Variants in TBC1D14 observed in about 807,000 individuals in gnomAD.
TBC1D14 encodes the protein TBC1 domain family, member 14.
A neutral mutation model predicts 79.0 loss-of-function variants in TBC1D14; 26 were observed. That is an observed-to-expected ratio of 0.33 (90% confidence interval 0.24 to 0.46). The LOEUF (loss-of-function observed/expected upper bound fraction) is 0.46. Among genes scored for constraint, TBC1D14 ranks in the 20% least tolerant of loss-of-function variants. TBC1D14 has a pLI of 1.00. For missense variants in TBC1D14, 769 were observed against 887.6 expected, an observed-to-expected ratio of 0.87 and a Z score of 1.70; for synonymous variants, 394 against 349.9, an observed-to-expected ratio of 1.13 and a Z score of -1.40.
chr4:7,016,453 G>A (rs889728009), intron 12 of TBC1D14, among the ~76,000 whole-genome samples: 5 of 152,228 alleles, frequency 3.3e-5, no homozygotes, highest in East Asian at 3.9e-4. Flanking sequence ...GCTGGGGCCC[G>A]CGGTGCTGGA....
rs535525017 is a variant in TBC1D14, at chr4:6,946,582, A to G, written c.723-20722A>G. Among the ~76,000 whole-genome samples, 106 of 152,242 alleles carry G rather than the reference A, an allele frequency of 7.0e-4. 1 individual carries two copies. The highest frequency in any genetic ancestry group is 2.3e-3 in the African/African-American group (96 of 41,560). On this transcript the variant is annotated intron_variant, in intron 2 of 13. Coordinates refer to ENST00000409757, the MANE Select transcript of TBC1D14 (RefSeq NM_020773.3). ...GTGATCCACCTGCCTCGGCCTTCCA[A>G]AGTGCTGGGATTACAGGCGTGAACC...
At chr4:6,927,674 T>C (rs1724400307) in intron 2 of TBC1D14, among the ~76,000 whole-genome samples, 1 of 152,174 alleles carries the variant, frequency 6.6e-6, no homozygotes, top group African/African-American at 2.4e-5. Context: ...GGCTGTCCTG[T>C]GCATTGGAGG....
At chr4:6,961,294 A>G (rs1357753723) in intron 2 of TBC1D14, among the ~76,000 whole-genome samples, 1 of 152,286 alleles carries the variant, frequency 6.6e-6, no homozygotes, top group African/African-American at 2.4e-5. Flanking sequence ...TGGCTTTAAA[A>G]TGACACTGAG....
chr4:6,962,895 G>A (rs1373187491), intron 2 of TBC1D14, among the ~76,000 whole-genome samples: 1 of 151,286 alleles, frequency 6.6e-6, no homozygotes, highest in African/African-American at 2.4e-5. Flanking sequence ...TGCCTCCCCT[G>A]CACACACACA....
chr4:6,953,656 A>G (rs1458714092), intron 2 of TBC1D14, among the ~76,000 whole-genome samples: 1 of 147,918 alleles, frequency 6.8e-6, no homozygotes, highest in Non-Finnish European at 1.5e-5. Flanking sequence ...AAAAAAGAAT[A>G]GATCAGTTTT....
intron 2 of TBC1D14, among the ~76,000 whole-genome samples, chr4:6,965,650 C>T (rs1426875361): frequency 6.6e-6 from 1 of 152,156 alleles, no homozygotes; most frequent in Non-Finnish European, 1.5e-5. Flanking sequence ...CCAATGATAT[C>T]GCCTTAGCCT....
At chr4:7,008,144 T>C (rs1720398379) in intron 9 of TBC1D14, among the ~76,000 whole-genome samples, 1 of 152,184 alleles carries the variant, frequency 6.6e-6, no homozygotes, top group Non-Finnish European at 1.5e-5. Flanking sequence ...TGAACGTAAT[T>C]TGAAACTGAA....
Position 6,948,756 on chromosome 4 carries a change from G to A in TBC1D14, c.723-18548G>A, listed in dbSNP as rs890624743. The stretch of plus-strand genomic sequence containing the variant: ...AGTCTGTCACCCAGGCTGGAGTGCA[G>A]TAGTGAGATCTCAGCTCACTGCAAC... On this transcript the variant is annotated intron_variant, in intron 2 of 13. Coordinates refer to ENST00000409757, the MANE Select transcript of TBC1D14 (RefSeq NM_020773.3). 8.7e-5 allele frequency among the ~76,000 whole-genome samples: 13 copies of A among 149,120 alleles called. No individual in the cohort carries two copies. In the East Asian group the frequency reaches 2.2e-3, roughly 25 times the overall value.
chr4:7,002,853 T>C (rs957036445), intron 7 of TBC1D14, among the ~76,000 whole-genome samples: 3 of 152,218 alleles, frequency 2.0e-5, no homozygotes, highest in Non-Finnish European at 4.4e-5. Flanking sequence ...TCTTTACTTA[T>C]GGATCTTATT....
chr4:7,016,799 G>T (rs1721330315), intron 12 of TBC1D14, among the ~76,000 whole-genome samples: 1 of 152,150 alleles, frequency 6.6e-6, no homozygotes, highest in South Asian at 2.1e-4. Flanking sequence ...CTGTTGTCTG[G>T]GTCATGCCTG....
At chr4:7,009,478 T>A (rs1720531756) in intron 9 of TBC1D14, among the ~76,000 whole-genome samples, 2 of 152,088 alleles carry the variant, frequency 1.3e-5, no homozygotes, top group African/African-American at 4.8e-5. Context: ...GAAAGGATAG[T>A]CAGGATGTGG....
chr4:7,025,098 A>C lies in TBC1D14; in HGVS notation c.1852A>C (p.Thr618Pro). The C allele has an allele frequency of 6.2e-7, 1 of 1,614,150 alleles. No homozygotes were observed. The highest frequency in any genetic ancestry group is 1.1e-5 in the South Asian group (1 of 91,082). ...CRDGEEFLFRTALGILKLFED... is the reference protein window; with the variant it reads ...CRDGEEFLFRPALGILKLFED... ...CGATGGGGAAGAGTTCCTGTTCCGC[A>C]CGGCCCTGGGCATCCTGAAGCTGTT... Residue 618 changes from threonine to proline, a missense_variant, in exon 13 of 14, where the codon ACG becomes CCG. Transcript: ENST00000409757.
rs187054541 is a variant in TBC1D14, at chr4:6,948,829, A to G, written c.723-18475A>G. Among the ~76,000 whole-genome samples the G allele has an allele frequency of 2.5e-3, 374 of 151,120 alleles. 1 individual carries two copies. The highest frequency in any genetic ancestry group is 4.5e-3 in the Non-Finnish European group (306 of 67,802). ...ATTCTTCTGCCTCAGCGTCCCAAGTAGCTGGGATTACAGGCGTGAGCCACC... is the reference window on the plus strand; with the variant it reads ...ATTCTTCTGCCTCAGCGTCCCAAGTGGCTGGGATTACAGGCGTGAGCCACC... On this transcript the variant is annotated intron_variant, in intron 2 of 13. Transcript: ENST00000409757.
At chr4:6,960,205 C>T (rs950897507) in intron 2 of TBC1D14, among the ~76,000 whole-genome samples, 1 of 151,220 alleles carries the variant, frequency 6.6e-6, no homozygotes, top group African/African-American at 2.4e-5. Context: ...CCTTAGTCTA[C>T]CAAGTAGCTG....
intron 5 of TBC1D14, among the ~76,000 whole-genome samples, 191 bp downstream of exon 5, chr4:6,996,598 G>A (rs1221493065): frequency 1.3e-5 from 2 of 152,068 alleles, no homozygotes; most frequent in African/African-American, 2.4e-5. Flanking sequence ...GCAGGGTGGC[G>A]TGGGCGGACT....
chr4:7,030,913 G>A lies in TBC1D14; in HGVS notation c.*521G>A, dbSNP rs1722983095. On this transcript the variant is annotated 3_prime_UTR_variant, in exon 14 of 14. Transcript: ENST00000409757. Reference sequence around the variant, plus strand: ...ACGAAAGATAGCATTAAAGGAACAGGGGCTCTCTGAGGATGGCCACTGATG... The same window carrying A: ...ACGAAAGATAGCATTAAAGGAACAGAGGCTCTCTGAGGATGGCCACTGATG... The A allele has an allele frequency of 6.4e-6, 1 of 155,090 alleles. No individual in the cohort carries two copies. The highest frequency in any genetic ancestry group is 1.4e-5 in the Non-Finnish European group (1 of 69,796). 9.6% of individuals were successfully genotyped at this position (155,090 alleles called of 1,614,324 possible).
chr4:6,978,182 C>T lies in TBC1D14; in HGVS notation c.843+10758C>T, dbSNP rs866259600. ...GAGGTGAGGGGCGCCTCTGCCCGGC[C>T]GCCCCTACTGGGAAGTGAGGAGCCC... is the stretch of plus-strand genomic sequence containing the variant. On this transcript the variant is annotated intron_variant, in intron 3 of 13. Coordinates refer to ENST00000409757, the MANE Select transcript of TBC1D14 (RefSeq NM_020773.3). Among the ~76,000 whole-genome samples the T allele has an allele frequency of 3.3e-3, 492 of 147,670 alleles. 3 individuals are homozygous for T. Among genetic ancestry groups the T allele is most frequent in the African/African-American group, 0.011 (449 of 40,220 alleles).
intron 3 of TBC1D14, among the ~76,000 whole-genome samples, chr4:6,970,839 C>T (rs1489097905): frequency 6.3e-5 from 7 of 111,088 alleles, no homozygotes; most frequent in African/African-American, 2.1e-4. Flanking sequence ...TCAAGGAGCC[C>T]GTGGTTGAGC....
intron 2 of TBC1D14, among the ~76,000 whole-genome samples, chr4:6,934,234 A>C (rs897419665): frequency 6.6e-6 from 1 of 151,912 alleles, no homozygotes; most frequent in African/African-American, 2.4e-5. Context: ...TGCCGGCACC[A>C]GGAGATCTGG....
Sources: allele counts gnomAD v4.1 joint callset (sites outside exome capture counted in the v4.1 genomes callset), GRCh38; gene constraint gnomAD v4.1.1; transcripts MANE v1.5; gene names NCBI Gene and HGNC (gene_info 2026-07-23, HGNC 2026-07-21).